Variants in MCCC2 observed in about 807,000 individuals in gnomAD.
The protein encoded by MCCC2 is methylcrotonyl-CoA carboxylase subunit 2, also known as methylcrotonoyl-CoA carboxylase beta chain, mitochondrial.
A neutral mutation model predicts 77.2 loss-of-function variants in MCCC2; 52 were observed. That is an observed-to-expected ratio of 0.67 (90% confidence interval 0.54 to 0.85). MCCC2 has a LOEUF of 0.85. MCCC2 is among the 40% of genes least tolerant of loss of function. The pLI, the probability that MCCC2 is intolerant of heterozygous loss-of-function variation, is 0.00. For synonymous variants in MCCC2, 253 were observed against 248.4 expected (o/e 1.02, Z -0.18); for missense variants, 682 against 703.2 (o/e 0.97, Z 0.34).
chr5:71,609,857 G>C (rs1745847785), intron 6 of MCCC2, among the ~76,000 whole-genome samples: 1 of 152,030 alleles, frequency 6.6e-6, no homozygotes, highest in Admixed American at 6.6e-5. Context: ...CCTGCTGGGG[G>C]GTGCCTCCCA....
At chr5:71,610,225 G>A (rs1442442005) in intron 6 of MCCC2, among the ~76,000 whole-genome samples, 3 of 152,250 alleles carry the variant, frequency 2.0e-5, no homozygotes, top group South Asian at 2.1e-4. Flanking sequence ...GCGAGACTCC[G>A]TGGGCGTAGG....
intron 4 of MCCC2, among the ~76,000 whole-genome samples, chr5:71,601,574 C>G (rs187777082): frequency 1.3e-5 from 2 of 152,082 alleles, no homozygotes; most frequent in Admixed American, 6.6e-5. Flanking sequence ...TGTGGCGAGC[C>G]CTGCTGGCCA....
At chr5:71,611,792 T>TC (rs1745956215) in intron 6 of MCCC2, among the ~76,000 whole-genome samples, 1 of 151,498 alleles carries the variant, frequency 6.6e-6, no homozygotes, top group South Asian at 2.1e-4. Context: ...CCTTTTTTTT[T>TC]CTTTTTTTTT....
intron 2 of MCCC2, among the ~76,000 whole-genome samples, chr5:71,595,024 G>T (rs548293165): frequency 6.6e-6 from 1 of 150,830 alleles, no homozygotes; most frequent in East Asian, 2.0e-4. Flanking sequence ...TCAGCCTCCC[G>T]AATAGCTGGG....
At chr5:71,654,630 G>C (rs1433434925) in intron 16 of MCCC2, among the ~76,000 whole-genome samples, 3 of 152,022 alleles carry the variant, frequency 2.0e-5, no homozygotes, top group African/African-American at 4.8e-5. Flanking sequence ...GAAAAATTGT[G>C]TATTTTGTGT....
chr5:71,634,376 T>G (rs1178309802), intron 8 of MCCC2, among the ~76,000 whole-genome samples: 1 of 152,232 alleles, frequency 6.6e-6, no homozygotes, highest in African/African-American at 2.4e-5. Context: ...GGCCAATGTA[T>G]TCAAGCCTTT....
At chr5:71,615,589 C>G (rs1746133858) in intron 6 of MCCC2, among the ~76,000 whole-genome samples, 1 of 152,056 alleles carries the variant, frequency 6.6e-6, no homozygotes, top group Non-Finnish European at 1.5e-5. Flanking sequence ...CTGCTGGTAC[C>G]TTAGTATGAA....
rs1442785941 is a variant in MCCC2 at position 71,658,412 on chromosome 5, A to G, written c.*1552A>G. On this transcript the variant is annotated 3_prime_UTR_variant, in exon 17 of 17. Coordinates refer to ENST00000340941, the MANE Select transcript of MCCC2 (RefSeq NM_022132.5). The stretch of plus-strand genomic sequence containing the variant: ...CTCCCTGTGCTGGATTAGCTTCCCT[A>G]CTCTATGCTCTTGTAAAACACTATC... 1 of 151,956 alleles carries G rather than the reference A, an allele frequency of 6.6e-6. No homozygotes were observed. The highest frequency in any genetic ancestry group is 2.4e-5 in the African/African-American group (1 of 41,354). The allele number at this position is 151,956 out of a possible 1,614,324, so 9.4% of individuals were successfully genotyped here.
At position 71,658,382 on chromosome 5, in the gene MCCC2, G is replaced by C. The variant is rs968677096; in HGVS notation, c.*1522G>C. On this transcript the variant is annotated 3_prime_UTR_variant, in exon 17 of 17. Coordinates refer to ENST00000340941, the MANE Select transcript of MCCC2 (RefSeq NM_022132.5). The stretch of plus-strand genomic sequence containing the variant: ...ACTCCACTTCCTTAGGGATGTCTCT[G>C]TGACCTCCCTGTGCTGGATTAGCTT... The C allele has an allele frequency of 1.3e-5, 2 of 152,128 alleles. No individual in the cohort carries two copies. The highest frequency in any genetic ancestry group is 2.9e-5 in the Non-Finnish European group (2 of 68,044). 9.4% of individuals were successfully genotyped at this position (152,128 alleles called of 1,614,324 possible). A position where few individuals can be genotyped will look rare whatever the true frequency, so the allele number is the denominator to read the frequency against.
intron 3 of MCCC2, among the ~76,000 whole-genome samples, chr5:71,598,078 T>C (rs1745261461): frequency 6.6e-6 from 1 of 150,814 alleles, no homozygotes; most frequent in Non-Finnish European, 1.5e-5. Flanking sequence ...TTTCTTTTTT[T>C]TTTTTTTTTT....
chr5:71,648,967 A>G (rs1747351103), intron 13 of MCCC2, 130 bp from the exon 14 acceptor site: 10 of 1,062,248 alleles, frequency 9.4e-6, no homozygotes, highest in Admixed American at 3.5e-5. Flanking sequence ...TGTTTCACAT[A>G]TAAACATTTT....
intron 5 of MCCC2, among the ~76,000 whole-genome samples, chr5:71,603,869 C>T (rs1745557846): frequency 6.6e-6 from 1 of 152,108 alleles, no homozygotes; most frequent in South Asian, 2.1e-4. Flanking sequence ...CATAGGATGG[C>T]TAGGAAACAC....
intron 11 of MCCC2, among the ~76,000 whole-genome samples, chr5:71,642,454 T>A (rs930604336): frequency 2.6e-5 from 4 of 152,204 alleles, no homozygotes; most frequent in Non-Finnish European, 5.9e-5. Flanking sequence ...GTAACTCAGG[T>A]TTGATCAGGC....
At position 71,656,853 on chromosome 5, in the gene MCCC2, G is replaced by A. The variant is rs764598364; in HGVS notation, c.1685G>A (p.Arg562Lys). ...PIEKTDFGIF[R>K]M ...GAGAAGACTGACTTCGGTATCTTCAGGATGTAACTGGAATAAAGGATGTTT... is the reference window on the plus strand; with the variant it reads ...GAGAAGACTGACTTCGGTATCTTCAAGATGTAACTGGAATAAAGGATGTTT... The change falls in exon 17 of 17, where the codon AGG becomes AAG. Residue 562 changes from arginine (R) to lysine (K), a missense_variant. Coordinates refer to ENST00000340941, the MANE Select transcript of MCCC2 (RefSeq NM_022132.5). 1 of 1,609,458 alleles carries A rather than the reference G, an allele frequency of 6.2e-7. No individual in the cohort carries two copies. Among genetic ancestry groups the A allele is most frequent in the Non-Finnish European group, 8.5e-7 (1 of 1,175,742 alleles).
Position 71,602,529 on chromosome 5 carries a change from A to G in MCCC2, c.407A>G (p.Asn136Ser), listed in dbSNP as rs762237286. 2 of 1,614,048 alleles carry G rather than the reference A, an allele frequency of 1.2e-6. No individual in the cohort carries two copies. The highest frequency in any genetic ancestry group is 1.7e-6 in the Non-Finnish European group (2 of 1,180,034). ...AGAGTAGAATGCATGATTATTGCCA[A>G]TGATGCCACCGTCAAAGGAGGTGCC... is the stretch of plus-strand genomic sequence containing the variant. ...VSGVECMIIA[N>S]DATVKGGAYY... The change falls in exon 5 of 17, where the codon AAT (asparagine) becomes AGT (serine). Residue 136 changes from asparagine to serine, a missense_variant. Coordinates refer to ENST00000340941, the MANE Select transcript of MCCC2 (RefSeq NM_022132.5).
chr5:71,633,403 T>TGA (rs1266203198), intron 8 of MCCC2, among the ~76,000 whole-genome samples: 2 of 152,052 alleles, frequency 1.3e-5, no homozygotes, highest in African/African-American at 2.4e-5. Flanking sequence ...TTACCCTATC[T>TGA]GAGTCTCATT....
intron 10 of MCCC2, among the ~76,000 whole-genome samples, chr5:71,637,384 A>G (rs1270158302): frequency 2.6e-5 from 4 of 152,254 alleles, no homozygotes; most frequent in Non-Finnish European, 4.4e-5. Context: ...TTTCCAGAGC[A>G]TATAAAAGTT....
intron 16 of MCCC2, among the ~76,000 whole-genome samples, chr5:71,656,308 G>A (rs1238056648): frequency 1.3e-5 from 2 of 152,088 alleles, no homozygotes; most frequent in Non-Finnish European, 2.9e-5. Context: ...ATGGGGGTTG[G>A]GGAATATACA....
At position 71,587,429 on chromosome 5, in the gene MCCC2, T is replaced by G; in HGVS notation, c.4T>G (p.Trp2Gly). 2.0e-6 allele frequency: 3 copies of G among 1,534,444 alleles called. No homozygotes were observed. The highest frequency in any genetic ancestry group is 2.6e-6 in the Non-Finnish European group (3 of 1,146,214). ...CTCTCGCTCGGTGCCCGCCGCCATGTGGGCCGTCCTGAGGTTAGCCCTGCG... is the reference window on the plus strand; with the variant it reads ...CTCTCGCTCGGTGCCCGCCGCCATGGGGGCCGTCCTGAGGTTAGCCCTGCG... M[W>G]AVLRLALRPC... The change falls in exon 1 of 17, where the codon TGG becomes GGG. Residue 2 changes from tryptophan to glycine, a missense_variant. Physicochemically the swap from Trp to Gly is radical, Grantham distance 184. Coordinates refer to ENST00000340941, the MANE Select transcript of MCCC2 (RefSeq NM_022132.5).
Sources: allele counts gnomAD v4.1 joint callset (sites outside exome capture counted in the v4.1 genomes callset), GRCh38; gene constraint gnomAD v4.1.1; transcripts MANE v1.5; gene names NCBI Gene and HGNC (gene_info 2026-07-23, HGNC 2026-07-21).